SCAF8: variants seen among roughly 807,000 people sequenced by gnomAD.
SCAF8 encodes the protein SR-related and CTD-associated factor 8.
Under a neutral mutation model 140.5 loss-of-function variants are expected in SCAF8, and 23 were observed. That is an observed-to-expected ratio of 0.16 (90% CI 0.12 to 0.23). The LOEUF is 0.23. Among genes scored for constraint, SCAF8 ranks in the 10% least tolerant of loss-of-function variants. The pLI is 1.00. For missense variants in SCAF8, 1,397 were observed against 1,555.7 expected (o/e 0.90, Z 1.72); for synonymous variants, 575 against 528.9 (o/e 1.09, Z -1.20).
rs1778450158 is a variant in SCAF8, at chr6:154,822,483, TA to T, written c.1926+78del. On this transcript the variant is annotated intron_variant, in intron 16 of 19. Transcript: ENST00000367178. ...TGTTTTTAATCATGTATTTACTTTATAAAACCGGAATGAAAATCTCCATATT... is the reference window on the plus strand; with the variant it reads ...TGTTTTTAATCATGTATTTACTTTATAAACCGGAATGAAAATCTCCATATT... 7.1e-6 allele frequency: 10 copies of T among 1,411,416 alleles called. No individual in the cohort carries two copies. In the South Asian group the frequency reaches 1.4e-4, roughly 20 times the overall value. 87.4% of individuals were successfully genotyped at this position (1,411,416 alleles called of 1,614,324 possible).
In SCAF8 at chr6:154,739,322, AAACAAAAAACAAACGTAGTTCCTTT is replaced by A. The variant is rs1486211464; in HGVS notation, c.30+5394_30+5418del. Among the ~76,000 whole-genome samples, 3 of 152,202 alleles carry A rather than the reference AAACAAAAAACAAACGTAGTTCCTTT, an allele frequency of 2.0e-5. No individual in the cohort carries two copies. In the East Asian group the frequency reaches 5.8e-4, roughly 29 times the overall value. ...CTTTTAAATTTTAAGTACTTTAAAA[AAACAAAAAACAAACGTAGTTCCTTT>A]ACCATTAATCACACTTCAAAAAAGT... On this transcript the variant is annotated intron_variant, in intron 1 of 19. Transcript: ENST00000367178.
chr6:154,793,371 G>A (rs986557661), intron 5 of SCAF8, among the ~76,000 whole-genome samples: 13 of 151,660 alleles, frequency 8.6e-5, no homozygotes, highest in South Asian at 2.1e-4. Context: ...TTTCAAAATC[G>A]TGTTCTCTTG....
At chr6:154,762,864 C>T (rs955476708) in intron 1 of SCAF8, among the ~76,000 whole-genome samples, 5 of 151,824 alleles carry the variant, frequency 3.3e-5, no homozygotes, top group African/African-American at 1.2e-4. Flanking sequence ...CCGTCATATC[C>T]CAAAATAATA....
At chr6:154,778,897 T>C (rs1388098912) in intron 3 of SCAF8, among the ~76,000 whole-genome samples, 1 of 152,116 alleles carries the variant, frequency 6.6e-6, no homozygotes, top group East Asian at 1.9e-4. Flanking sequence ...TCTGTTTCAC[T>C]TAAAGTTTAA....
intron 1 of SCAF8, among the ~76,000 whole-genome samples, chr6:154,740,266 A>G (rs113111074): frequency 1.1e-4 from 17 of 152,266 alleles, no homozygotes; most frequent in African/African-American, 3.9e-4. Flanking sequence ...GAGCAGTCCT[A>G]TGCATTCCAG....
chr6:154,734,012 C>G lies in SCAF8; in HGVS notation c.30+82C>G, dbSNP rs532494176. On this transcript the variant is annotated intron_variant, in intron 1 of 19. Coordinates refer to ENST00000367178, the MANE Select transcript of SCAF8 (RefSeq NM_014892.5). ...GAGGCCGGGGCCCGGAGGGTGGGCG[C>G]GGGCCTGCGGGTTTTTTAAGGGTGG... The G allele has an allele frequency of 6.3e-6, 9 of 1,426,230 alleles. No individual in the cohort carries two copies. The African/African-American group carries it at 1.2e-4, about 19-fold the overall frequency. The allele number at this position is 1,426,230 out of a possible 1,614,324, so 88.3% of individuals were successfully genotyped here.
intron 1 of SCAF8, among the ~76,000 whole-genome samples, chr6:154,760,972 T>A (rs1278109014): frequency 6.6e-6 from 1 of 151,990 alleles, no homozygotes; most frequent in Admixed American, 6.6e-5. Flanking sequence ...TTTCTTTTTT[T>A]TTAAATTTTT....
chr6:154,789,461 TC>T (rs1777348586), intron 4 of SCAF8, among the ~76,000 whole-genome samples: 2 of 152,064 alleles, frequency 1.3e-5, no homozygotes, highest in South Asian at 4.1e-4. Context: ...TTGAATATAC[TC>T]CTTGAGACAG....
At chr6:154,794,775 T>C (rs911008801) in intron 5 of SCAF8, among the ~76,000 whole-genome samples, 1 of 6,694 alleles carries the variant, frequency 1.5e-4, no homozygotes. Context: ...GGGGGGGGTG[T>C]GGGGGGTGTG....
At chr6:154,748,128 G>T (rs1778751051) in intron 1 of SCAF8, among the ~76,000 whole-genome samples, 1 of 152,090 alleles carries the variant, frequency 6.6e-6, no homozygotes, top group East Asian at 1.9e-4. Context: ...ATATTTATTT[G>T]AAAGTGATTC....
chr6:154,772,708 CAATA>C (rs1776805632), intron 1 of SCAF8, among the ~76,000 whole-genome samples: 1 of 152,038 alleles, frequency 6.6e-6, no homozygotes, highest in Non-Finnish European at 1.5e-5. Context: ...ATCAATCAAT[CAATA>C]AAGTGGGGGA....
At chr6:154,752,308 A>T (rs1339195123) in intron 1 of SCAF8, among the ~76,000 whole-genome samples, 1 of 152,192 alleles carries the variant, frequency 6.6e-6, no homozygotes, top group Admixed American at 6.5e-5. Flanking sequence ...TCCCTTACAT[A>T]CTAATCCTGA....
intron 1 of SCAF8, among the ~76,000 whole-genome samples, chr6:154,756,071 AT>A (rs1778959293): frequency 6.6e-6 from 1 of 152,178 alleles, no homozygotes; most frequent in South Asian, 2.1e-4. Context: ...TATTTCACTT[AT>A]ACATCCCTCC....
intron 1 of SCAF8, among the ~76,000 whole-genome samples, chr6:154,770,410 TCTCTCTCTCTCTC>T (rs1776712816): frequency 6.6e-6 from 1 of 150,682 alleles, no homozygotes; most frequent in Admixed American, 6.6e-5. Flanking sequence ...TCTCTCTCTC[TCTCTCTCTCTCTC>T]TAGTTGAGTG....
At chr6:154,814,450 CTG>C (rs1368079842) in intron 12 of SCAF8, among the ~76,000 whole-genome samples, 32 of 152,332 alleles carry the variant, frequency 2.1e-4, no homozygotes, top group African/African-American at 7.5e-4. Flanking sequence ...ACCAGGGACT[CTG>C]TGTTAGCTAA....
At chr6:154,773,356 G>A (rs1321388194) in intron 1 of SCAF8, among the ~76,000 whole-genome samples, 3 of 151,976 alleles carry the variant, frequency 2.0e-5, no homozygotes, top group Non-Finnish European at 4.4e-5. Context: ...TGTTTTCAAG[G>A]TTCATTCAGG....
intron 7 of SCAF8, among the ~76,000 whole-genome samples, chr6:154,802,455 C>G (rs963179414): frequency 6.6e-6 from 1 of 151,962 alleles, no homozygotes; most frequent in African/African-American, 2.4e-5. Flanking sequence ...AACCCCATCT[C>G]TATTAAAAAT....
chr6:154,757,417 T>A (rs911697149), intron 1 of SCAF8, among the ~76,000 whole-genome samples: 2 of 152,258 alleles, frequency 1.3e-5, no homozygotes, highest in Admixed American at 1.3e-4. Flanking sequence ...CAGTTATGGC[T>A]TTGGCATTCT....
chr6:154,736,454 T>C (rs1326540014), intron 1 of SCAF8, among the ~76,000 whole-genome samples: 1 of 151,828 alleles, frequency 6.6e-6, no homozygotes, highest in African/African-American at 2.4e-5. Context: ...GTATTTTTAG[T>C]AGAGATGGGG....
Sources: allele counts gnomAD v4.1 joint callset (sites outside exome capture counted in the v4.1 genomes callset), GRCh38; gene constraint gnomAD v4.1.1; transcripts MANE v1.5; gene names NCBI Gene and HGNC (gene_info 2026-07-23, HGNC 2026-07-21).